The following UBR3 variants were observed in gnomAD, a reference collection of about 807,000 sequenced individuals.
The protein encoded by UBR3 is ubiquitin protein ligase E3 component n-recognin 3.
Under a neutral mutation model 243.2 loss-of-function variants are expected in UBR3, and 85 were observed. That is an observed-to-expected ratio of 0.35 (90% CI 0.29 to 0.42). The LOEUF (loss-of-function observed/expected upper bound fraction) is 0.42. Ranked by LOEUF, UBR3 falls within the 10% of genes least tolerant of loss-of-function variation. The pLI is 1.00. For synonymous variants in UBR3, 748 were observed against 799.8 expected (o/e 0.94, Z 1.09); for missense variants, 1,686 against 2,300.8 (o/e 0.73, Z 5.47).
At chr2:169,931,803 T>G (rs2086143637) in intron 18 of UBR3, among the ~76,000 whole-genome samples, 1 of 152,072 alleles carries the variant, frequency 6.6e-6, no homozygotes, top group South Asian at 2.1e-4. Flanking sequence ...ATTAGTGAGG[T>G]GTCATGAATT....
Position 169,836,233 on chromosome 2 carries a change from G to A in UBR3, c.545+8181G>A, listed in dbSNP as rs544782958. ...TGAGTAGCTGGGATTACAGGCGGCC[G>A]CCACCATGCCTAGCTAATTTTCATA... On this transcript the variant is annotated intron_variant, in intron 1 of 38. Coordinates refer to ENST00000272793, the MANE Select transcript of UBR3 (RefSeq NM_172070.4). Among the ~76,000 whole-genome samples, 6 of 150,644 alleles carry A rather than the reference G, an allele frequency of 4.0e-5. No homozygotes were observed. In the South Asian group the frequency reaches 1.1e-3, roughly 26 times the overall value.
At chr2:169,927,465 G>C (rs2085950724) in intron 17 of UBR3, 60 bp downstream of exon 17, 1 of 1,229,470 alleles carries the variant, frequency 8.1e-7, no homozygotes, top group Non-Finnish European at 1.1e-6. Flanking sequence ...TATTTTTTAT[G>C]ATTAATAGTT....
At chr2:169,955,305 A>G (rs181165894) in intron 23 of UBR3, among the ~76,000 whole-genome samples, 39 of 152,038 alleles carry the variant, frequency 2.6e-4, no homozygotes, top group Middle Eastern at 3.4e-3. Context: ...CTTTATATTC[A>G]TTTATTTTTA....
chr2:169,916,305 T>G (rs1026397913), intron 11 of UBR3, among the ~76,000 whole-genome samples: 1 of 152,208 alleles, frequency 6.6e-6, no homozygotes. Flanking sequence ...ATCTTTAATA[T>G]ATTTACTTAT....
chr2:169,925,811 A>G, intron 14 of UBR3, 64 bp downstream of exon 14: 2 of 1,399,894 alleles, frequency 1.4e-6, no homozygotes, highest in Admixed American at 2.8e-5. Context: ...AGGGATTTTA[A>G]TTTATAGAGG....
intron 1 of UBR3, among the ~76,000 whole-genome samples, chr2:169,859,416 G>A (rs2105300792): frequency 6.6e-6 from 1 of 152,018 alleles, no homozygotes; most frequent in East Asian, 1.9e-4. Flanking sequence ...TGGGGTTTGA[G>A]TATTTTGGAT....
chr2:169,827,699 G>A lies in UBR3; in HGVS notation c.192G>A (p.Pro64=). The part of the protein sequence containing the change: ...LLERVLSAER[P]LAAAAGGEDA... The stretch of plus-strand genomic sequence containing the variant: ...AGCGGGTGCTGAGCGCCGAGCGGCC[G>A]CTGGCCGCGGCTGCCGGCGGCGAGG... The change falls in exon 1 of 39, where the codon CCG becomes CCA. Residue 64 remains proline (P), a synonymous_variant. Transcript: ENST00000272793. The A allele has an allele frequency of 8.2e-7, 1 of 1,213,440 alleles. No homozygotes were observed. The highest frequency in any genetic ancestry group is 1.0e-6 in the Non-Finnish European group (1 of 979,618). 75.2% of individuals were successfully genotyped at this position (1,213,440 alleles called of 1,614,324 possible). A position where few individuals can be genotyped will look rare whatever the true frequency, so the allele number is the denominator to read the frequency against.
At chr2:170,009,724 G>C (rs2090028409) in intron 29 of UBR3, among the ~76,000 whole-genome samples, 1 of 152,042 alleles carries the variant, frequency 6.6e-6, no homozygotes, top group Middle Eastern at 3.2e-3. Flanking sequence ...TATTGTAATA[G>C]GTAAGATTTA....
At chr2:170,008,961 CTTTT>C in intron 29 of UBR3, 21 bp downstream of exon 29, 1 of 1,450,316 alleles carries the variant, frequency 6.9e-7, no homozygotes, top group Non-Finnish European at 9.2e-7. Flanking sequence ...ATAGTGTATA[CTTTT>C]TAGTTTACTT....
At chr2:170,034,397 C>T (rs1211259361) in intron 31 of UBR3, among the ~76,000 whole-genome samples, 1 of 151,976 alleles carries the variant, frequency 6.6e-6, no homozygotes, top group East Asian at 1.9e-4. Context: ...ATAATTTTAC[C>T]TTTTCCGGAA....
At chr2:169,954,126 T>C (rs1003971731) in intron 23 of UBR3, among the ~76,000 whole-genome samples, 37 of 152,140 alleles carry the variant, frequency 2.4e-4, no homozygotes, top group African/African-American at 8.5e-4. Context: ...GAGTATGATT[T>C]AGATCCCAAG....
intron 6 of UBR3, among the ~76,000 whole-genome samples, chr2:169,893,407 TTAATAGTAC>T (rs2084449505): frequency 6.6e-6 from 1 of 152,214 alleles, no homozygotes; most frequent in African/African-American, 2.4e-5. Flanking sequence ...AATTCTATGA[TTAATAGTAC>T]TAGTTTTATT....
At chr2:169,970,254 T>G (rs1252085820) in intron 24 of UBR3, among the ~76,000 whole-genome samples, 6 of 132,404 alleles carry the variant, frequency 4.5e-5, no homozygotes, top group South Asian at 2.6e-4. Flanking sequence ...TTTTTTTTTT[T>G]GTAGCTGTTG....
At chr2:169,882,937 G>C (rs539062412) in intron 5 of UBR3, among the ~76,000 whole-genome samples, 1 of 152,106 alleles carries the variant, frequency 6.6e-6, no homozygotes, top group Non-Finnish European at 1.5e-5. Flanking sequence ...AGTGAATGCC[G>C]TCTAGTTAGT....
intron 11 of UBR3, among the ~76,000 whole-genome samples, chr2:169,923,578 G>A (rs984517180): frequency 1.3e-5 from 2 of 152,078 alleles, no homozygotes; most frequent in African/African-American, 4.8e-5. Context: ...TGCGTTTGAA[G>A]AGTCCCAAAT....
intron 24 of UBR3, among the ~76,000 whole-genome samples, chr2:169,959,733 G>A (rs998109595): frequency 2.0e-5 from 3 of 152,092 alleles, no homozygotes; most frequent in African/African-American, 7.2e-5. Context: ...CTCAAAACCA[G>A]AGAAGCTGAA....
intron 32 of UBR3, among the ~76,000 whole-genome samples, chr2:170,052,036 G>C (rs1393515272): frequency 6.6e-6 from 1 of 152,066 alleles, no homozygotes; most frequent in Non-Finnish European, 1.5e-5. Context: ...GTGAGTTCCA[G>C]ACTTGAATTT....
Position 169,924,138 on chromosome 2 carries a change from T to C in UBR3, c.1987T>C (p.Leu663=). 6.5e-7 allele frequency: 1 copy of C among 1,548,486 alleles called. No individual in the cohort carries two copies. Among genetic ancestry groups the C allele is most frequent in the South Asian group, 1.2e-5 (1 of 82,502 alleles). ...LDSVLPDQEM[L]MKLMIHPLQI... is the part of the protein sequence containing the mutation. ...TTCTGTTTTACCAGATCAGGAAATGTTAATGAAACTAATGATTCACCCACT... is the reference window on the plus strand; with the variant it reads ...TTCTGTTTTACCAGATCAGGAAATGCTAATGAAACTAATGATTCACCCACT... Residue 663 remains leucine, a synonymous_variant, in exon 13 of 39, where the codon TTA becomes CTA. Transcript: ENST00000272793.
At position 169,927,358 on chromosome 2, in the gene UBR3, G is replaced by T. The variant is rs2085947389; in HGVS notation, c.2377G>T (p.Ala793Ser). ...TGAGATTCTCAGGGCCGAGATGGTA[G>T]CCCAGCTGTGTATGAATGACAGGAC... ...DDEILRAEMV[A>S]QLCMNDRTHS... The change falls in exon 17 of 39, where the codon GCC becomes TCC. Residue 793 changes from alanine to serine, a missense_variant. This residue lies in a region of UBR3 where 346 missense variants were observed against 585.8 expected (regional missense o/e 0.59). Coordinates refer to ENST00000272793, the MANE Select transcript of UBR3 (RefSeq NM_172070.4). The T allele has an allele frequency of 5.2e-6, 8 of 1,550,994 alleles. No individual in the cohort carries two copies. The highest frequency in any genetic ancestry group is 2.7e-5 in the African/African-American group (2 of 73,158).
Sources: allele counts gnomAD v4.1 joint callset (sites outside exome capture counted in the v4.1 genomes callset), GRCh38; gene constraint gnomAD v4.1.1; regional missense constraint gnomAD v4.1.1; transcripts MANE v1.5; gene names NCBI Gene and HGNC (gene_info 2026-07-23, HGNC 2026-07-21).